AGAP1: variants seen among roughly 807,000 people sequenced by gnomAD.
AGAP1 encodes arf-GAP with GTPase, ANK repeat and PH domain-containing protein 1.
In AGAP1, 29 loss-of-function variants were observed where a neutral mutation model predicts 105.3. The ratio of observed to expected loss-of-function variants is 0.28; its 90% CI spans 0.21 to 0.38. The LOEUF (loss-of-function observed/expected upper bound fraction) is 0.38, where lower values mean the gene tolerates loss of function less well. AGAP1 is among the 10% of genes least tolerant of loss of function. The pLI is 1.00. For missense variants in AGAP1, 998 were observed against 1,165.1 expected (o/e 0.86, Z 2.09); for synonymous variants, 509 against 485.9 (o/e 1.05, Z -0.63).
At chr2:236,013,200 G>A (rs1418833015) in intron 13 of AGAP1, among the ~76,000 whole-genome samples, 2 of 152,214 alleles carry the variant, frequency 1.3e-5, no homozygotes, top group Non-Finnish European at 2.9e-5. Flanking sequence ...TCGCAGAATT[G>A]TATTTGCTTC....
At chr2:236,074,544 A>G (rs2058587560) in intron 16 of AGAP1, among the ~76,000 whole-genome samples, 1 of 152,206 alleles carries the variant, frequency 6.6e-6, no homozygotes, top group South Asian at 2.1e-4. Context: ...TTACGAGATA[A>G]TAGTCTCCAT....
Position 235,960,133 on chromosome 2 carries a change from C to T in AGAP1, c.1484-8329C>T, listed in dbSNP as rs956868027. 2.6e-5 allele frequency among the ~76,000 whole-genome samples: 4 copies of T among 152,220 alleles called. No individual in the cohort carries two copies. The highest frequency in any genetic ancestry group is 1.9e-4 in the East Asian group (1 of 5,160). ...TGGGGGCGGGGAGGGTGCTTGCGGA[C>T]CCACCCTGGAGGACCTCGGCCCTGT... On this transcript the variant is annotated intron_variant, in intron 12 of 17. Coordinates refer to ENST00000304032, the MANE Select transcript of AGAP1 (RefSeq NM_001037131.3). The surrounding 1 kb of genome is among the most constrained non-coding windows in gnomAD (Gnocchi z 4.9).
chr2:235,894,778 C>T (rs1158864632), intron 10 of AGAP1, among the ~76,000 whole-genome samples: 1 of 152,154 alleles, frequency 6.6e-6, no homozygotes, highest in Non-Finnish European at 1.5e-5. Context: ...AAGTGTGATT[C>T]GGCTCCTCTC....
intron 9 of AGAP1, among the ~76,000 whole-genome samples, chr2:235,850,032 T>G (rs1223157390): frequency 6.6e-6 from 1 of 152,298 alleles, no homozygotes; most frequent in Middle Eastern, 3.4e-3. Context: ...CATTGATGCC[T>G]CCTGAGCAGG....
chr2:236,122,385 G>C (rs775885232), intron 17 of AGAP1, among the ~76,000 whole-genome samples: 27 of 152,142 alleles, frequency 1.8e-4, no homozygotes, highest in Non-Finnish European at 2.9e-4. Flanking sequence ...TGAATTGTTG[G>C]TGGGAGCGGG....
rs879366497 is a variant in AGAP1 at position 235,977,574 on chromosome 2, G to A, written c.1645+8951G>A. 6.6e-6 allele frequency among the ~76,000 whole-genome samples: 1 copy of A among 152,088 alleles called. No individual in the cohort carries two copies. Among genetic ancestry groups the A allele is most frequent in the African/African-American group, 2.4e-5 (1 of 41,418 alleles). On this transcript the variant is annotated intron_variant, in intron 13 of 17. Transcript: ENST00000304032. This position sits in a 1 kb window ranked among gnomAD's most constrained non-coding sequence, Gnocchi z 5.2. ...CTCTGCAGCCCTCAGATGTTCCCAC[G>A]CTCTGTTAGACACATGCGGCCTGGG...
Position 235,887,880 on chromosome 2 carries a change from C to T in AGAP1, c.1155+4431C>T, listed in dbSNP as rs1426500127. ...CTATTATGGGGTGCTGACTTGAGAG[C>T]GCCAGGCTTGCAGTTGTATTAAACG... On this transcript the variant is annotated intron_variant, in intron 10 of 17. Transcript: ENST00000304032. The surrounding 1 kb of genome is among the most constrained non-coding windows in gnomAD (Gnocchi z 4.1). Among the ~76,000 whole-genome samples the T allele has an allele frequency of 3.9e-5, 6 of 152,162 alleles. No individual in the cohort carries two copies. Among genetic ancestry groups the T allele is most frequent in the African/African-American group, 1.2e-4 (5 of 41,448 alleles).
chr2:235,968,670 TTC>T (rs770363647), intron 13 of AGAP1, 47 bp downstream of exon 13: 32 of 1,561,650 alleles, frequency 2.0e-5, no homozygotes, highest in East Asian at 1.1e-4. Context: ...CTGCGGAAAA[TTC>T]TCTGTTATTT....
At chr2:235,885,987 C>T (rs955229324) in intron 10 of AGAP1, among the ~76,000 whole-genome samples, 42 of 152,314 alleles carry the variant, frequency 2.8e-4, no homozygotes, top group Admixed American at 2.5e-3. Context: ...ATACCCATTC[C>T]ATGACGCCCA....
chr2:236,078,135 T>G lies in AGAP1; in HGVS notation c.2114+28854T>G, dbSNP rs2058691047. On this transcript the variant is annotated intron_variant, in intron 16 of 17. Coordinates refer to ENST00000304032, the MANE Select transcript of AGAP1 (RefSeq NM_001037131.3). This position sits in a 1 kb window ranked among gnomAD's most constrained non-coding sequence, Gnocchi z 5.3. ...GTGTGCATGTGTGTAATCTGAAGTGTGTAGGGCAGGCCAGCCGGGGGTGTG... is the reference window on the plus strand; with the variant it reads ...GTGTGCATGTGTGTAATCTGAAGTGGGTAGGGCAGGCCAGCCGGGGGTGTG... 6.6e-6 allele frequency among the ~76,000 whole-genome samples: 1 copy of G among 150,592 alleles called. No individual in the cohort carries two copies. Among genetic ancestry groups the G allele is most frequent in the African/African-American group, 2.5e-5 (1 of 40,780 alleles).
At chr2:235,588,754 A>G (rs994621368) in intron 1 of AGAP1, among the ~76,000 whole-genome samples, 1 of 152,198 alleles carries the variant, frequency 6.6e-6, no homozygotes. Context: ...TTATAGATCA[A>G]GAATATCATA....
chr2:235,694,997 T>C (rs965027828), intron 1 of AGAP1, among the ~76,000 whole-genome samples: 2 of 152,226 alleles, frequency 1.3e-5, no homozygotes, highest in African/African-American at 2.4e-5. Context: ...AGTTGGAGAA[T>C]GTAAGTATTT....
rs3754662 is a variant in AGAP1, at chr2:235,736,249, C to T, written c.311-4714C>T. On this transcript the variant is annotated intron_variant, in intron 3 of 17. Coordinates refer to ENST00000304032, the MANE Select transcript of AGAP1 (RefSeq NM_001037131.3). This position sits in a 1 kb window ranked among gnomAD's most constrained non-coding sequence, Gnocchi z 5.5. ...CAGGGTGGGCGCTGGTCCCTTCCCA[C>T]GGAGCTCGCCTAGCACCTGTTCACA... Among the ~76,000 whole-genome samples, 151 of 152,148 alleles carry T rather than the reference C, an allele frequency of 9.9e-4. 3 individuals carry two copies. In the East Asian group the frequency reaches 0.02, roughly 21 times the overall value.
At chr2:235,643,324 G>C (rs1034170050) in intron 1 of AGAP1, among the ~76,000 whole-genome samples, 7 of 150,678 alleles carry the variant, frequency 4.6e-5, no homozygotes, top group Non-Finnish European at 8.9e-5. Context: ...CCAGCTCCTC[G>C]GGAGACTGAG....
intron 13 of AGAP1, among the ~76,000 whole-genome samples, chr2:236,016,067 A>G (rs1343537964): frequency 6.6e-6 from 1 of 152,154 alleles, no homozygotes; most frequent in Non-Finnish European, 1.5e-5. Context: ...TGGAAAACAA[A>G]TCTACATTTT....
intron 9 of AGAP1, among the ~76,000 whole-genome samples, chr2:235,858,609 A>G (rs906045995): frequency 7.2e-5 from 11 of 152,230 alleles, no homozygotes; most frequent in African/African-American, 2.7e-4. Context: ...AATATGAACT[A>G]GTTCACAATG....
chr2:235,587,301 G>A (rs1443349847), intron 1 of AGAP1, among the ~76,000 whole-genome samples: 2 of 152,202 alleles, frequency 1.3e-5, no homozygotes, highest in African/African-American at 4.8e-5. Context: ...AACAGCCAGA[G>A]AGTGACAGAG....
At chr2:235,778,487 C>G (rs1365292177) in intron 6 of AGAP1, among the ~76,000 whole-genome samples, 2 of 152,200 alleles carry the variant, frequency 1.3e-5, no homozygotes, top group African/African-American at 2.4e-5. Context: ...CTGCTCCGTG[C>G]TCTTCCTCCT....
chr2:235,874,571 G>T lies in AGAP1; in HGVS notation c.1051-8774G>T, dbSNP rs781771432. Among the ~76,000 whole-genome samples, 28 of 152,204 alleles carry T rather than the reference G, an allele frequency of 1.8e-4. No homozygotes were observed. Among genetic ancestry groups the T allele is most frequent in the Non-Finnish European group, 2.8e-4 (19 of 68,042 alleles). ...GAGCTAAGAGGCTCGGCTGCTAACA[G>T]CAGACGGGTTTGGGTGGGACTGGAG... On this transcript the variant is annotated intron_variant, in intron 9 of 17. Coordinates refer to ENST00000304032, the MANE Select transcript of AGAP1 (RefSeq NM_001037131.3). This position sits in a 1 kb window ranked among gnomAD's most constrained non-coding sequence, Gnocchi z 4.5.
Sources: allele counts gnomAD v4.1 joint callset (sites outside exome capture counted in the v4.1 genomes callset), GRCh38; gene constraint gnomAD v4.1.1; non-coding constraint Gnocchi (gnomAD v3.1); transcripts MANE v1.5; gene names NCBI Gene and HGNC (gene_info 2026-07-23, HGNC 2026-07-21).